The following RIMS1 variants were observed in gnomAD, a reference collection of about 807,000 sequenced individuals.
The protein encoded by RIMS1 is regulating synaptic membrane exocytosis 1.
In RIMS1, 83 loss-of-function variants were observed where a neutral mutation model predicts 214.1. The observed-to-expected ratio is 0.39, with a 90% CI of 0.32 to 0.47. The LOEUF (loss-of-function observed/expected upper bound fraction) is 0.47. RIMS1 is among the 20% of genes least tolerant of loss of function. RIMS1 has a pLI of 0.99. For synonymous variants in RIMS1, 793 were observed against 786.8 expected, an observed-to-expected ratio of 1.01 and a Z score of -0.13; for missense variants, 2,050 against 2,161.8, an observed-to-expected ratio of 0.95 and a Z score of 1.03.
At position 71,960,018 on chromosome 6, in the gene RIMS1, T is replaced by G. The variant is rs116482906; in HGVS notation, c.165-8965T>G. Among the ~76,000 whole-genome samples, 50 of 152,262 alleles carry G rather than the reference T, an allele frequency of 3.3e-4. 1 individual carries two copies. The highest frequency in any genetic ancestry group is 1.2e-3 in the African/African-American group (50 of 41,556). The stretch of plus-strand genomic sequence containing the variant: ...TAGGTGCCAGAAATCTTAGCTGGTA[T>G]TATTAACTGTTGTTTTCCTGTTTTG... On this transcript the variant is annotated intron_variant, in intron 1 of 33. Transcript: ENST00000521978.
chr6:72,372,337 C>T (rs894031467), intron 29 of RIMS1, among the ~76,000 whole-genome samples: 3 of 152,116 alleles, frequency 2.0e-5, no homozygotes, highest in African/African-American at 7.2e-5. Flanking sequence ...CATTTCTCAT[C>T]AAAATTGTTA....
At chr6:72,322,952 G>GC (rs2096250761) in intron 28 of RIMS1, among the ~76,000 whole-genome samples, 1 of 151,954 alleles carries the variant, frequency 6.6e-6, no homozygotes, top group Admixed American at 6.6e-5. Flanking sequence ...CAAACAAAAA[G>GC]CAGCAGCTGG....
At chr6:72,213,085 A>G (rs2054126749) in intron 6 of RIMS1, 1 of 1,536,436 alleles carries the variant, frequency 6.5e-7, no homozygotes, top group Non-Finnish European at 8.7e-7. Context: ...AGCAAGGCTT[A>G]AATCTCTCAA....
At chr6:72,330,299 T>C (rs1243018304) in intron 28 of RIMS1, among the ~76,000 whole-genome samples, 1 of 151,768 alleles carries the variant, frequency 6.6e-6, no homozygotes, top group African/African-American at 2.4e-5. Flanking sequence ...CAAAGCCTGA[T>C]TCAAATTACT....
chr6:72,090,642 G>T (rs1835956323), intron 2 of RIMS1, among the ~76,000 whole-genome samples: 1 of 152,162 alleles, frequency 6.6e-6, no homozygotes, highest in South Asian at 2.1e-4. Context: ...TTTTTTAACT[G>T]TAAAACTATA....
chr6:71,907,370 G>A (rs74547103), intron 1 of RIMS1, among the ~76,000 whole-genome samples: 9,700 of 152,130 alleles, frequency 0.064, 450 homozygotes, highest in Non-Finnish European at 0.09. Context: ...CACTGTATAA[G>A]AATACCTTAC....
intron 22 of RIMS1, among the ~76,000 whole-genome samples, chr6:72,273,540 G>C (rs2154192237): frequency 6.6e-6 from 1 of 152,194 alleles, no homozygotes; most frequent in Non-Finnish European, 1.5e-5. Flanking sequence ...ACAAAGGAAT[G>C]AAACAGTTTT....
chr6:72,209,278 C>T (rs1200251074), intron 6 of RIMS1, among the ~76,000 whole-genome samples: 2 of 152,038 alleles, frequency 1.3e-5, no homozygotes, highest in South Asian at 2.1e-4. Context: ...ATTTTATAAC[C>T]GGAGTTGCTT....
intron 29 of RIMS1, among the ~76,000 whole-genome samples, chr6:72,345,916 A>G (rs2097252145): frequency 6.6e-6 from 1 of 151,764 alleles, no homozygotes; most frequent in Admixed American, 6.6e-5. Context: ...GCTTGGGACC[A>G]TCATAGGAAA....
In RIMS1 at chr6:72,179,773, A is replaced by C; in HGVS notation, c.670A>C (p.Thr224Pro). ...ERSRSQTPLS[T>P]AAASSQDAAP... ...ATCGCGGTCTCAGACACCCCTAAGC[A>C]CAGCAGCTGCCTCCTCCCAGGATGC... Residue 224 changes from threonine to proline, a missense_variant, in exon 5 of 34, where the codon ACA becomes CCA. This residue lies in a region of RIMS1 where 882 missense variants were observed against 828.9 expected (regional missense o/e 1.06). Coordinates refer to ENST00000521978, the MANE Select transcript of RIMS1 (RefSeq NM_014989.7). The C allele has an allele frequency of 3.1e-6, 5 of 1,613,786 alleles. No individual in the cohort carries two copies. The highest frequency in any genetic ancestry group is 4.2e-6 in the Non-Finnish European group (5 of 1,179,838).
intron 24 of RIMS1, among the ~76,000 whole-genome samples, chr6:72,288,531 A>C (rs1229176033): frequency 6.6e-6 from 1 of 152,166 alleles, no homozygotes; most frequent in East Asian, 1.9e-4. Context: ...ACATCCTTAC[A>C]TTCTTAGCAC....
intron 29 of RIMS1, among the ~76,000 whole-genome samples, chr6:72,372,678 CCT>C (rs1351688589): frequency 3.3e-5 from 5 of 152,294 alleles, no homozygotes; most frequent in African/African-American, 1.2e-4. Flanking sequence ...ACAAAATCTC[CCT>C]GTTTCTAAGA....
chr6:72,104,937 T>C (rs1227970745), intron 4 of RIMS1, among the ~76,000 whole-genome samples: 1 of 152,112 alleles, frequency 6.6e-6, no homozygotes, highest in Non-Finnish European at 1.5e-5. Flanking sequence ...ATTTATTTAT[T>C]GAGTTATTTA....
intron 2 of RIMS1, among the ~76,000 whole-genome samples, chr6:72,090,472 C>G (rs777958836): frequency 3.3e-5 from 5 of 151,844 alleles, no homozygotes; most frequent in Non-Finnish European, 5.9e-5. Context: ...ATTTTCTACT[C>G]AACTCTGACA....
At chr6:72,312,446 T>C (rs1421278517) in intron 27 of RIMS1, among the ~76,000 whole-genome samples, 1 of 151,982 alleles carries the variant, frequency 6.6e-6, no homozygotes, top group East Asian at 1.9e-4. Context: ...ATGTAATATA[T>C]AAGCTATTCA....
rs2044214796 is a variant in RIMS1, at chr6:72,154,737, C to T, written c.472-24838C>T. Among the ~76,000 whole-genome samples, 2 of 140,638 alleles carry T rather than the reference C, an allele frequency of 1.4e-5. 1 individual carries two copies. The highest frequency in any genetic ancestry group is 4.7e-4 in the South Asian group (2 of 4,220). 92.3% of individuals were successfully genotyped at this position (140,638 alleles called of 152,430 possible). ...AAAAGAACAGTTTCACTTCTTGTAT[C>T]CCACTTTCCTCAAGGTGGTACAGCT... On this transcript the variant is annotated intron_variant, in intron 4 of 33. Transcript: ENST00000521978.
At chr6:72,340,839 T>C in intron 29 of RIMS1, among the ~76,000 whole-genome samples, 1 of 152,106 alleles carries the variant, frequency 6.6e-6, no homozygotes, top group Non-Finnish European at 1.5e-5. Context: ...GGTAGCTTGA[T>C]GGGGATGGCA....
rs367563850 is a variant in RIMS1, at chr6:72,237,867, C to T, written c.1902C>T (p.Phe634=). 51 of 1,613,302 alleles carry T rather than the reference C, an allele frequency of 3.2e-5. No homozygotes were observed. The highest frequency in any genetic ancestry group is 6.7e-5 in the Admixed American group (4 of 59,958). Residue 634 remains phenylalanine (F), a synonymous_variant, in exon 9 of 34, where the codon TTC becomes TTT. Coordinates refer to ENST00000521978, the MANE Select transcript of RIMS1 (RefSeq NM_014989.7). ...CTGACTTAGGACGACTTGGTGCTTT[C>T]ATCACCAAAGTAAAGAAGGGTAGCC... The part of the protein sequence containing the change: ...KMTDLGRLGA[F]ITKVKKGSLA...
chr6:72,136,141 A>G (rs2041240979), intron 4 of RIMS1, among the ~76,000 whole-genome samples: 1 of 152,204 alleles, frequency 6.6e-6, no homozygotes, highest in African/African-American at 2.4e-5. Flanking sequence ...AGTAATCTAT[A>G]AGATAAATAT....
Sources: gnomAD v4.1 joint callset for allele counts (sites outside exome capture counted in the v4.1 genomes callset) on GRCh38, gnomAD v4.1.1 for gene constraint, gnomAD v4.1.1 regional missense constraint, MANE v1.5 for transcripts, NCBI Gene and HGNC (gene_info 2026-07-23, HGNC 2026-07-21) for gene names.